The following KLHL29 variants were observed in gnomAD, a reference collection of about 807,000 sequenced individuals.
The protein encoded by KLHL29 is kelch-like protein 29.
In KLHL29, 21 loss-of-function variants were observed where a neutral mutation model predicts 80.4. The ratio of observed to expected loss-of-function variants is 0.26; its 90% CI spans 0.19 to 0.38. The LOEUF is 0.38. Ranked by LOEUF, KLHL29 falls within the 10% of genes least tolerant of loss-of-function variation. The pLI is 1.00. For synonymous variants in KLHL29, 511 were observed against 526.8 expected, an observed-to-expected ratio of 0.97 and a Z score of 0.41; for missense variants, 867 against 1,223.9, an observed-to-expected ratio of 0.71 and a Z score of 4.35.
chr2:23,676,221 C>T (rs1045280391), intron 5 of KLHL29, among the ~76,000 whole-genome samples: 6 of 151,694 alleles, frequency 4.0e-5, no homozygotes, highest in Admixed American at 2.6e-4. Flanking sequence ...TCTGCTCTGT[C>T]GCCTGGGCTG....
Position 23,523,158 on chromosome 2 carries a change from C to T in KLHL29, c.-45-38994C>T, listed in dbSNP as rs541895395. Among the ~76,000 whole-genome samples, 9 of 152,336 alleles carry T rather than the reference C, an allele frequency of 5.9e-5. No individual in the cohort carries two copies. In the South Asian group the frequency reaches 1.9e-3, roughly 32 times the overall value. On this transcript the variant is annotated intron_variant, in intron 2 of 13. Coordinates refer to ENST00000486442, the MANE Select transcript of KLHL29 (RefSeq NM_052920.2). The stretch of plus-strand genomic sequence containing the variant: ...CAGCACCAGTGTGCATTTTGTTCAG[C>T]AAACCCGGAACTCAGGAAGCTTTGC...
rs1190021789 is a variant in KLHL29 at position 23,707,418 on chromosome 2, G to A, written c.*754G>A. 1 of 152,192 alleles carries A rather than the reference G, an allele frequency of 6.6e-6. No individual in the cohort carries two copies. The highest frequency in any genetic ancestry group is 1.5e-5 in the Non-Finnish European group (1 of 68,042). The allele number at this position is 152,192 out of a possible 1,614,324, so 9.4% of individuals were successfully genotyped here. A position where few individuals can be genotyped will look rare whatever the true frequency, so the allele number is the denominator to read the frequency against. On this transcript the variant is annotated 3_prime_UTR_variant, in exon 14 of 14. Transcript: ENST00000486442. ...GGCTATTTTTAAGTACTGAGAGGAG[G>A]AGCAGGCCACAAGAGGGATAATGTT...
At chr2:23,590,364 G>C (rs970707199) in intron 3 of KLHL29, among the ~76,000 whole-genome samples, 1 of 152,226 alleles carries the variant, frequency 6.6e-6, no homozygotes, top group Non-Finnish European at 1.5e-5. Flanking sequence ...TCTCCCTGCT[G>C]TTTGTTCCAG....
chr2:23,485,150 AT>A (rs1281190355), intron 2 of KLHL29, among the ~76,000 whole-genome samples: 3 of 152,100 alleles, frequency 2.0e-5, no homozygotes, highest in African/African-American at 4.8e-5. Flanking sequence ...CTGAAAAGGA[AT>A]TGATGAATGG....
chr2:23,421,078 G>A (rs981373501), intron 1 of KLHL29, among the ~76,000 whole-genome samples: 3 of 152,186 alleles, frequency 2.0e-5, no homozygotes, highest in African/African-American at 7.2e-5. Context: ...TACAGAGAGG[G>A]AAGCTGAGGC....
At chr2:23,660,056 G>T (rs1396599074) in intron 5 of KLHL29, among the ~76,000 whole-genome samples, 2 of 152,100 alleles carry the variant, frequency 1.3e-5, no homozygotes, top group African/African-American at 4.8e-5. Context: ...TCTTTAGCCT[G>T]TTCCTCCTCC....
chr2:23,506,166 C>T (rs559399906), intron 2 of KLHL29, among the ~76,000 whole-genome samples: 12 of 152,326 alleles, frequency 7.9e-5, no homozygotes, highest in African/African-American at 2.9e-4. Context: ...GAATGATGGG[C>T]GGGCCCAGAC....
rs773511071 is a variant in KLHL29, at chr2:23,597,381, G to GTA, written c.285+34901_285+34902insAT. ...TGTATGTATATATATATGTGTGTGT[G>GTA]TGTATATATATATATATATATATAT... On this transcript the variant is annotated intron_variant, in intron 3 of 13. Transcript: ENST00000486442. 2.4e-3 allele frequency among the ~76,000 whole-genome samples: 143 copies of GTA among 58,886 alleles called. 4 individuals carry two copies. The highest frequency in any genetic ancestry group is 9.7e-3 in the African/African-American group (134 of 13,786). The allele number at this position is 58,886 out of a possible 152,430, so 38.6% of individuals were successfully genotyped here. A position where few individuals can be genotyped will look rare whatever the true frequency, so the allele number is the denominator to read the frequency against.
chr2:23,580,900 C>T (rs1254554263), intron 3 of KLHL29, among the ~76,000 whole-genome samples: 4 of 150,942 alleles, frequency 2.7e-5, no homozygotes, highest in Admixed American at 1.3e-4. Context: ...ATTGCTTGAA[C>T]CCAGGAGGAG....
chr2:23,417,014 G>T (rs1043123166), intron 1 of KLHL29, among the ~76,000 whole-genome samples: 10 of 151,972 alleles, frequency 6.6e-5, no homozygotes, highest in African/African-American at 2.4e-4. Flanking sequence ...CCTCCACCTG[G>T]GTTCCTATCT....
chr2:23,604,675 C>G (rs570268973), intron 3 of KLHL29, among the ~76,000 whole-genome samples: 1 of 152,170 alleles, frequency 6.6e-6, no homozygotes, highest in Non-Finnish European at 1.5e-5. Flanking sequence ...GAGCAAGTCA[C>G]TTGGAGTCAT....
intron 3 of KLHL29, among the ~76,000 whole-genome samples, chr2:23,624,239 C>A (rs1034955976): frequency 6.6e-6 from 1 of 152,146 alleles, no homozygotes; most frequent in African/African-American, 2.4e-5. Context: ...CTGCCTACCC[C>A]ACCCAGCCCC....
At position 23,385,246 on chromosome 2, in the gene KLHL29, C is replaced by CGCGCCG. The variant is rs1666141139; in HGVS notation, c.-687_-682dup. ...CCCGCGCCGCGGCCGCGCCAGCCCC[C>CGCGCCG]GCGCCGCCGCCGCCGTCCCCGCCAC... On this transcript the variant is annotated 5_prime_UTR_variant, in exon 1 of 14. Coordinates refer to ENST00000486442, the MANE Select transcript of KLHL29 (RefSeq NM_052920.2). 1 of 147,862 alleles carries CGCGCCG rather than the reference C, an allele frequency of 6.8e-6. No homozygotes were observed. The highest frequency in any genetic ancestry group is 6.8e-5 in the Admixed American group (1 of 14,810). 9.2% of individuals were successfully genotyped at this position (147,862 alleles called of 1,614,324 possible).
At chr2:23,585,797 C>T (rs540316803) in intron 3 of KLHL29, among the ~76,000 whole-genome samples, 1 of 152,282 alleles carries the variant, frequency 6.6e-6, no homozygotes, top group African/African-American at 2.4e-5. Context: ...GCCAAGCCCA[C>T]CAGCCGCCCT....
intron 3 of KLHL29, among the ~76,000 whole-genome samples, chr2:23,624,170 C>T (rs1669253991): frequency 6.6e-6 from 1 of 152,102 alleles, no homozygotes; most frequent in South Asian, 2.1e-4. Context: ...CTAGCAATTA[C>T]TACGTGGAAT....
At chr2:23,477,043 G>A (rs1416314027) in intron 2 of KLHL29, among the ~76,000 whole-genome samples, 4 of 152,292 alleles carry the variant, frequency 2.6e-5, no homozygotes, top group Non-Finnish European at 5.9e-5. Context: ...ATCCAGGACA[G>A]TGGAGGCCCA....
At position 23,647,246 on chromosome 2, in the gene KLHL29, T is replaced by A. The variant is rs1007482249; in HGVS notation, c.940+4396T>A. Among the ~76,000 whole-genome samples, 1 of 152,200 alleles carries A rather than the reference T, an allele frequency of 6.6e-6. No individual in the cohort carries two copies. Among genetic ancestry groups the A allele is most frequent in the Non-Finnish European group, 1.5e-5 (1 of 68,024 alleles). ...TCTCTCCTTGCCCCACACTCTGACA[T>A]GTCCAGGGCACATTGTTCCTTCCAC... On this transcript the variant is annotated intron_variant, in intron 5 of 13. Coordinates refer to ENST00000486442, the MANE Select transcript of KLHL29 (RefSeq NM_052920.2). This position sits in a 1 kb window ranked among gnomAD's most constrained non-coding sequence, Gnocchi z 4.9.
rs534288615 is a variant in KLHL29 at position 23,399,557 on chromosome 2, T to C, written c.-154+13777T>C. Reference sequence around the variant, plus strand: ...TACCCGCTCTGTGCTGAGCATTGCATTGCGTTTATTTATTATTATTTTATT... The same window carrying C: ...TACCCGCTCTGTGCTGAGCATTGCACTGCGTTTATTTATTATTATTTTATT... On this transcript the variant is annotated intron_variant, in intron 1 of 13. Coordinates refer to ENST00000486442, the MANE Select transcript of KLHL29 (RefSeq NM_052920.2). Among the ~76,000 whole-genome samples the C allele has an allele frequency of 2.0e-5, 3 of 152,352 alleles. No homozygotes were observed. The East Asian group carries it at 5.8e-4, about 29-fold the overall frequency.
At chr2:23,568,213 C>G (rs1193024414) in intron 3 of KLHL29, among the ~76,000 whole-genome samples, 1 of 152,170 alleles carries the variant, frequency 6.6e-6, no homozygotes, top group Non-Finnish European at 1.5e-5. Context: ...AAAGTCCATA[C>G]ACGGATTCCA....
Sources: gnomAD v4.1 joint callset for allele counts (sites outside exome capture counted in the v4.1 genomes callset) on GRCh38, gnomAD v4.1.1 for gene constraint, Gnocchi (gnomAD v3.1) non-coding constraint, MANE v1.5 for transcripts, NCBI Gene and HGNC (gene_info 2026-07-23, HGNC 2026-07-21) for gene names.